The following MYLK variants were observed in gnomAD, a reference collection of about 807,000 sequenced individuals.
MYLK encodes myosin light chain kinase, smooth muscle.
In MYLK, 106 loss-of-function variants were observed where a neutral mutation model predicts 203.4. The ratio of observed to expected loss-of-function variants is 0.52; its 90% CI spans 0.45 to 0.61. The LOEUF (loss-of-function observed/expected upper bound fraction) is 0.61, where lower values mean the gene tolerates loss of function less well. Among genes scored for constraint, MYLK ranks in the 20% least tolerant of loss-of-function variants. The pLI is 0.00. For synonymous variants in MYLK, 867 were observed against 959.5 expected, an observed-to-expected ratio of 0.90 and a Z score of 1.78; for missense variants, 2,072 against 2,442.3, an observed-to-expected ratio of 0.85 and a Z score of 3.20.
chr3:123,880,201 C>A (rs2033436876), intron 1 of MYLK, among the ~76,000 whole-genome samples: 1 of 152,132 alleles, frequency 6.6e-6, no homozygotes, highest in African/African-American at 2.4e-5. Flanking sequence ...CCCAAGAACA[C>A]CCAGCCAGTA....
intron 19 of MYLK, among the ~76,000 whole-genome samples, chr3:123,684,371 A>T (rs1201139935): frequency 2.0e-5 from 3 of 152,012 alleles, no homozygotes; most frequent in Admixed American, 6.6e-5. Flanking sequence ...AGGCAGAAAA[A>T]CCTAGCAGAG....
intron 3 of MYLK, among the ~76,000 whole-genome samples, chr3:123,805,244 T>G (rs34731017): frequency 3.7e-4 from 57 of 152,346 alleles, no homozygotes; most frequent in Middle Eastern, 3.4e-3. Flanking sequence ...GACCTGGGAT[T>G]TGAGAAGCAG....
chr3:123,687,394 C>G (rs909436706), intron 19 of MYLK, among the ~76,000 whole-genome samples: 2 of 152,124 alleles, frequency 1.3e-5, no homozygotes, highest in East Asian at 3.9e-4. Context: ...GGTTTAACTT[C>G]CCACTCTGCT....
chr3:123,847,037 A>G (rs538275021), intron 2 of MYLK, among the ~76,000 whole-genome samples: 30 of 152,256 alleles, frequency 2.0e-4, no homozygotes, highest in Non-Finnish European at 4.4e-4. Flanking sequence ...CACGGCTTCA[A>G]CCAACTGCAA....
At chr3:123,850,429 C>T (rs1424061971) in intron 2 of MYLK, among the ~76,000 whole-genome samples, 15 of 152,248 alleles carry the variant, frequency 9.9e-5, no homozygotes, top group Non-Finnish European at 1.5e-4. Context: ...TTTTAATGAT[C>T]GCCATTCTAA....
At position 123,880,135 on chromosome 3, in the gene MYLK, C is replaced by T. The variant is rs1055113432; in HGVS notation, c.-185-3518G>A. On this transcript the variant is annotated intron_variant, in intron 1 of 33. Coordinates refer to ENST00000360304, the MANE Select transcript of MYLK (RefSeq NM_053025.4). ...CCTATATTCATTTAATTTTTATAAC[C>T]GCCCTCATTGTCAGATGACAAAACT... Among the ~76,000 whole-genome samples, 6 of 152,146 alleles carry T rather than the reference C, an allele frequency of 3.9e-5. No individual in the cohort carries two copies. The South Asian group carries it at 1.0e-3, about 26-fold the overall frequency.
intron 27 of MYLK, among the ~76,000 whole-genome samples, chr3:123,643,508 A>G (rs1041057181): frequency 1.3e-5 from 2 of 152,184 alleles, no homozygotes; most frequent in Non-Finnish European, 2.9e-5. Context: ...AACTGTTCCT[A>G]TGGTTCAACT....
At chr3:123,854,808 T>C (rs1404021336) in intron 2 of MYLK, among the ~76,000 whole-genome samples, 1 of 152,194 alleles carries the variant, frequency 6.6e-6, no homozygotes, top group Non-Finnish European at 1.5e-5. Flanking sequence ...GTTATTTCAG[T>C]GAGCATCTTT....
At chr3:123,818,298 A>G (rs2065813286) in intron 3 of MYLK, among the ~76,000 whole-genome samples, 1 of 152,170 alleles carries the variant, frequency 6.6e-6, no homozygotes, top group Admixed American at 6.5e-5. Flanking sequence ...ATTAAACACA[A>G]TCAGTCCCAC....
At chr3:123,855,580 A>G in intron 2 of MYLK, among the ~76,000 whole-genome samples, 1 of 152,106 alleles carries the variant, frequency 6.6e-6, no homozygotes, top group East Asian at 1.9e-4. Flanking sequence ...TGGAGGCTAC[A>G]GTGAGTTATG....
chr3:123,716,141 T>C (rs1056521987), intron 13 of MYLK: 1 of 152,204 alleles, frequency 6.6e-6, no homozygotes, highest in Non-Finnish European at 1.5e-5. Context: ...AAATCCAGCA[T>C]GGTCCAGGGA....
At position 123,707,752 on chromosome 3, in the gene MYLK, A is replaced by C; in HGVS notation, c.2390+2T>G. 6.2e-7 allele frequency: 1 copy of C among 1,614,196 alleles called. No homozygotes were observed. The highest frequency in any genetic ancestry group is 8.5e-7 in the Non-Finnish European group (1 of 1,180,044). ...GGAGGCTGGCTGGACATGCAGACTC[A>C]CTTGAGCAGGATCTCATACTGGCCG... On this transcript the variant is annotated splice_donor_variant, in intron 16 of 33. Coordinates refer to ENST00000360304, the MANE Select transcript of MYLK (RefSeq NM_053025.4). LOFTEE classifies it high-confidence loss of function.
intron 4 of MYLK, among the ~76,000 whole-genome samples, chr3:123,755,985 C>T (rs549054994): frequency 3.7e-4 from 57 of 152,248 alleles, no homozygotes; most frequent in African/African-American, 1.1e-3. Flanking sequence ...TGAAGGTATA[C>T]GGGTAGGGCA....
intron 19 of MYLK, chr3:123,689,855 C>T (rs1017002470): frequency 6.6e-6 from 1 of 152,170 alleles, no homozygotes; most frequent in African/African-American, 2.4e-5. Flanking sequence ...CACCCCTTTT[C>T]TTAGGAAAAA....
chr3:123,611,069 T>A lies in MYLK; in HGVS notation c.*3036A>T, dbSNP rs1302385650. 1 of 152,238 alleles carries A rather than the reference T, an allele frequency of 6.6e-6. No homozygotes were observed. Among genetic ancestry groups the A allele is most frequent in the African/African-American group, 2.4e-5 (1 of 41,454 alleles). 9.4% of individuals were successfully genotyped at this position (152,238 alleles called of 1,614,324 possible). ...GCAAGGAATAAAAAGTCATTTTCTT[T>A]AAAAATAATAAATTGTTAGGGACAT... On this transcript the variant is annotated 3_prime_UTR_variant, in exon 34 of 34. Coordinates refer to ENST00000360304, the MANE Select transcript of MYLK (RefSeq NM_053025.4).
intron 4 of MYLK, among the ~76,000 whole-genome samples, chr3:123,790,876 C>T (rs910618281): frequency 3.3e-5 from 5 of 152,130 alleles, no homozygotes; most frequent in Non-Finnish European, 7.3e-5. Flanking sequence ...CGCAACTTCA[C>T]GGAGGAAAGC....
chr3:123,672,927 CCAAT>C (rs995228851), intron 20 of MYLK, among the ~76,000 whole-genome samples: 5 of 152,032 alleles, frequency 3.3e-5, no homozygotes, highest in African/African-American at 1.2e-4. Flanking sequence ...GGTTCTCATC[CCAAT>C]CAAACACAGC....
At chr3:123,798,275 C>T (rs73857521) in intron 3 of MYLK, among the ~76,000 whole-genome samples, 260 of 152,280 alleles carry the variant, frequency 1.7e-3, no homozygotes, top group African/African-American at 6.1e-3. Flanking sequence ...AATCTGCTGG[C>T]TTCTCGGAGG....
At chr3:123,727,696 G>A (rs1009345897) in intron 11 of MYLK, among the ~76,000 whole-genome samples, 2 of 152,094 alleles carry the variant, frequency 1.3e-5, no homozygotes, top group Non-Finnish European at 2.9e-5. Context: ...GAGCTGCAGG[G>A]GCTCTCAAGT....
Sources: allele counts gnomAD v4.1 joint callset (sites outside exome capture counted in the v4.1 genomes callset), GRCh38; gene constraint gnomAD v4.1.1; transcripts MANE v1.5; gene names NCBI Gene and HGNC (gene_info 2026-07-23, HGNC 2026-07-21).